DLG2: variants seen among roughly 807,000 people sequenced by gnomAD.
The protein encoded by DLG2 is discs large MAGUK scaffold protein 2.
Under a neutral mutation model 132.5 loss-of-function variants are expected in DLG2, and 45 were observed. The ratio of observed to expected loss-of-function variants is 0.34; its 90% CI spans 0.27 to 0.44. The LOEUF is 0.44. DLG2 is among the 20% of genes least tolerant of loss of function. The probability of loss-of-function intolerance (pLI) is 1.00; values close to 1 mark genes in which losing one functional copy is unlikely to be tolerated. For missense variants in DLG2, 1,045 were observed against 1,196.9 expected (o/e 0.87, Z 1.87); for synonymous variants, 424 against 419.6 (o/e 1.01, Z -0.13).
chr11:83,952,681 A>G (rs2085765044), intron 14 of DLG2, among the ~76,000 whole-genome samples: 2 of 116,272 alleles, frequency 1.7e-5, no homozygotes, highest in Admixed American at 2.0e-4. Flanking sequence ...ATAATGCTAA[A>G]GCAAAAAATA....
chr11:83,787,340 T>TTTTTTTTTTTTTTG lies in DLG2; in HGVS notation c.1723-549_1723-548insCAAAAAAAAAAAAA, dbSNP rs66699053. On this transcript the variant is annotated intron_variant, in intron 17 of 27. Transcript: ENST00000376104. Reference sequence around the variant, plus strand: ...TTTTTTTTGTTTTTTTTTTTTTTTTTAGACAGAGTCTCGCTCTTTCGCCCA... The same window carrying TTTTTTTTTTTTTTG: ...TTTTTTTTGTTTTTTTTTTTTTTTTTTTTTTTTTTTTTTGAGACAGAGTCTCGCTCTTTCGCCCA... Among the ~76,000 whole-genome samples the TTTTTTTTTTTTTTG allele has an allele frequency of 2.4e-4, 25 of 102,740 alleles. 5 individuals are homozygous for TTTTTTTTTTTTTTG. The highest frequency in any genetic ancestry group is 3.2e-4 in the Admixed American group (3 of 9,408). 67.4% of individuals were successfully genotyped at this position (102,740 alleles called of 152,430 possible). A position where few individuals can be genotyped will look rare whatever the true frequency, so the allele number is the denominator to read the frequency against.
intron 3 of DLG2, among the ~76,000 whole-genome samples, chr11:85,370,775 G>C (rs535664020): frequency 2.6e-5 from 4 of 152,294 alleles, no homozygotes; most frequent in African/African-American, 9.6e-5. Context: ...GTCCAGAAAA[G>C]AGAGGTAAAC....
chr11:84,645,785 T>A (rs1434144305), intron 6 of DLG2, among the ~76,000 whole-genome samples: 1 of 152,104 alleles, frequency 6.6e-6, no homozygotes, highest in South Asian at 2.1e-4. Flanking sequence ...TATTTAATAA[T>A]GTTTTTGCAT....
chr11:84,338,240 C>T (rs1170318660), intron 7 of DLG2, among the ~76,000 whole-genome samples: 1 of 152,210 alleles, frequency 6.6e-6, no homozygotes, highest in Non-Finnish European at 1.5e-5. Flanking sequence ...ACCCAACTAA[C>T]ATGCTCTCTT....
At chr11:85,210,021 T>G (rs923168315) in intron 4 of DLG2, among the ~76,000 whole-genome samples, 1 of 152,154 alleles carries the variant, frequency 6.6e-6, no homozygotes, top group African/African-American at 2.4e-5. Flanking sequence ...CAATAACACC[T>G]GCCCTCATCA....
At chr11:85,382,522 TGTACTCCAA>T (rs1009251652) in intron 3 of DLG2, among the ~76,000 whole-genome samples, 2 of 152,042 alleles carry the variant, frequency 1.3e-5, no homozygotes, top group Admixed American at 1.3e-4. Context: ...CATAAAAATT[TGTACTCCAA>T]GTGAAACTAT....
intron 21 of DLG2, among the ~76,000 whole-genome samples, chr11:83,499,584 CTT>C (rs201241663): frequency 6.7e-6 from 1 of 148,994 alleles, no homozygotes; most frequent in African/African-American, 2.5e-5. Context: ...ATCATGATTG[CTT>C]TTTTTTTCCC....
chr11:83,635,021 T>G (rs2064430114), intron 18 of DLG2, among the ~76,000 whole-genome samples: 1 of 152,212 alleles, frequency 6.6e-6, no homozygotes, highest in Non-Finnish European at 1.5e-5. Flanking sequence ...TTGACTATAA[T>G]TTAGGAAAAT....
intron 7 of DLG2, among the ~76,000 whole-genome samples, chr11:84,365,683 G>A (rs7395870): frequency 0.37 from 55,854 of 150,798 alleles, 14,790 homozygotes; most frequent in African/African-American, 0.76. Flanking sequence ...ACTGCTTTGA[G>A]TGTGTCCCAG....
intron 3 of DLG2, among the ~76,000 whole-genome samples, chr11:85,476,564 A>G (rs1365291374): frequency 1.3e-5 from 2 of 152,132 alleles, no homozygotes; most frequent in Admixed American, 1.3e-4. Context: ...GAGCAATACA[A>G]AAATCTTTTC....
At position 84,703,881 on chromosome 11, in the gene DLG2, T is replaced by TATATATATATATATAC. The variant is rs1039735623; in HGVS notation, c.358-169151_358-169150insGTATATATATATATAT. Among the ~76,000 whole-genome samples the TATATATATATATATAC allele has an allele frequency of 7.3e-4, 89 of 122,722 alleles. 1 individual carries two copies. Among genetic ancestry groups the TATATATATATATATAC allele is most frequent in the South Asian group, 2.7e-3 (11 of 4,018 alleles). 80.5% of individuals were successfully genotyped at this position (122,722 alleles called of 152,430 possible). ...AGATATATATATATATATATATATA[T>TATATATATATATATAC]ATACACGTGTGTGTGTGTGTGTGTG... is the stretch of plus-strand genomic sequence containing the variant. On this transcript the variant is annotated intron_variant, in intron 6 of 27. Transcript: ENST00000376104.
intron 7 of DLG2, among the ~76,000 whole-genome samples, chr11:84,416,388 T>C (rs1460568222): frequency 3.3e-5 from 5 of 152,208 alleles, no homozygotes; most frequent in African/African-American, 1.2e-4. Context: ...TGATTTTTTT[T>C]CCTTGTTTCC....
rs11824142 is a variant in DLG2, at chr11:85,113,728, A to G, written c.283-1993T>C. On this transcript the variant is annotated intron_variant, in intron 5 of 27. Transcript: ENST00000376104. Reference sequence around the variant, plus strand: ...TTTAGACCACACTTTTCTCATCTGTAAAATGAGAAAGTTTCTTGGATCCAT... The same window carrying G: ...TTTAGACCACACTTTTCTCATCTGTGAAATGAGAAAGTTTCTTGGATCCAT... Among the ~76,000 whole-genome samples, 1,492 of 152,160 alleles carry G rather than the reference A, an allele frequency of 9.8e-3. 21 individuals carry two copies. The highest frequency in any genetic ancestry group is 0.033 in the African/African-American group (1,356 of 41,542).
At chr11:84,307,047 G>A (rs1174976396) in intron 7 of DLG2, among the ~76,000 whole-genome samples, 1 of 152,152 alleles carries the variant, frequency 6.6e-6, no homozygotes, top group African/African-American at 2.4e-5. Flanking sequence ...ACACATGCAC[G>A]TGTATGTTCT....
intron 3 of DLG2, among the ~76,000 whole-genome samples, chr11:85,293,882 G>C (rs2079059472): frequency 6.6e-6 from 1 of 152,096 alleles, no homozygotes; most frequent in Non-Finnish European, 1.5e-5. Context: ...AGTATTTAGT[G>C]ATCAATGTGC....
At chr11:84,728,309 A>G (rs550732251) in intron 6 of DLG2, among the ~76,000 whole-genome samples, 38 of 152,234 alleles carry the variant, frequency 2.5e-4, no homozygotes, top group African/African-American at 8.9e-4. Context: ...AGGGGTGTTG[A>G]ATTTTGTCAA....
At chr11:84,051,238 T>G (rs2096371664) in intron 11 of DLG2, among the ~76,000 whole-genome samples, 2 of 151,882 alleles carry the variant, frequency 1.3e-5, no homozygotes, top group South Asian at 4.1e-4. Flanking sequence ...GATCTAGAAC[T>G]AGAAATACCA....
intron 15 of DLG2, among the ~76,000 whole-genome samples, chr11:83,875,463 A>T (rs1262740341): frequency 6.6e-6 from 1 of 152,148 alleles, no homozygotes; most frequent in Non-Finnish European, 1.5e-5. Flanking sequence ...AATGGCATTG[A>T]GACTGTTTGA....
chr11:83,688,340 C>G (rs150676298), intron 18 of DLG2, among the ~76,000 whole-genome samples: 3 of 152,008 alleles, frequency 2.0e-5, no homozygotes, highest in South Asian at 2.1e-4. Flanking sequence ...TGGGCTTGTG[C>G]GAATGTCTGA....
Sources: allele counts gnomAD v4.1 joint callset (sites outside exome capture counted in the v4.1 genomes callset), GRCh38; gene constraint gnomAD v4.1.1; transcripts MANE v1.5; gene names NCBI Gene and HGNC (gene_info 2026-07-23, HGNC 2026-07-21).